PKD1L3: variants seen among roughly 807,000 people sequenced by gnomAD.
PKD1L3 encodes polycystin 1 like 3, transient receptor potential channel interacting, also known as polycystin-1-like protein 3.
Under a neutral mutation model 184.1 loss-of-function variants are expected in PKD1L3, and 239 were observed. That is an observed-to-expected ratio of 1.30 (90% CI 1.17 to 1.45). The LOEUF is 1.45. Ranked by LOEUF, PKD1L3 falls within the 40% of genes most tolerant of loss-of-function variation. PKD1L3 has a pLI of 0.00. For synonymous variants in PKD1L3, 996 were observed against 778.8 expected (o/e 1.28, Z -4.64); for missense variants, 2,660 against 2,067.2 (o/e 1.29, Z -5.56).
intron 25 of PKD1L3, 91 bp from the exon 26 acceptor site, chr16:71,935,609 T>A: frequency 8.1e-7 from 1 of 1,237,690 alleles, no homozygotes; most frequent in Non-Finnish European, 1.1e-6. Context: ...CTGATGTCTG[T>A]GGGCAAAGCA....
chr16:71,939,532 C>T (rs1212547940), intron 24 of PKD1L3, among the ~76,000 whole-genome samples: 1 of 152,220 alleles, frequency 6.6e-6, no homozygotes, highest in Non-Finnish European at 1.5e-5. Flanking sequence ...TCTATTTCAC[C>T]TAGCTAGCTC....
Position 71,930,162 on chromosome 16 carries a change from G to A in PKD1L3, c.4948C>T (p.Leu1650=). 3 of 1,549,328 alleles carry A rather than the reference G, an allele frequency of 1.9e-6. No individual in the cohort carries two copies. Among genetic ancestry groups the A allele is most frequent in the East Asian group, 2.4e-5 (1 of 40,908 alleles). ...CTGGTGAGGATCAGAAAGGTGCCCA[G>A]GACTGGGTCTAAAGCGAAAACCTGG... is the stretch of plus-strand genomic sequence containing the variant. The part of the protein sequence containing the change: ...QEEVFALDPV[L]GTFLILTSVI... The change falls in exon 29 of 30, where the codon CTG becomes TTG. Residue 1650 remains leucine (L), a synonymous_variant. Coordinates refer to ENST00000620267, the MANE Select transcript of PKD1L3 (RefSeq NM_181536.2).
At chr16:71,973,205 T>G (rs1201704124) in intron 12 of PKD1L3, 119 bp downstream of exon 12, 1 of 1,242,886 alleles carries the variant, frequency 8.0e-7, no homozygotes, top group African/African-American at 1.5e-5. Context: ...CCAGGCAGAG[T>G]TATTTCAAAC....
At chr16:71,944,700 T>TC (rs2038495011) in intron 22 of PKD1L3, among the ~76,000 whole-genome samples, 1 of 68,764 alleles carries the variant, frequency 1.5e-5, no homozygotes, top group Non-Finnish European at 3.2e-5. Flanking sequence ...ATCTGTTTTT[T>TC]GTTTGTTTTT....
intron 11 of PKD1L3, among the ~76,000 whole-genome samples, chr16:71,975,404 C>G (rs1354181904): frequency 6.6e-6 from 1 of 152,020 alleles, no homozygotes; most frequent in Non-Finnish European, 1.5e-5. Context: ...CTTAACTTTT[C>G]TAAACTACAA....
At chr16:71,970,206 T>C (rs2039660170) in intron 12 of PKD1L3, 101 bp from the exon 13 acceptor site, 6 of 922,234 alleles carry the variant, frequency 6.5e-6, no homozygotes, top group Non-Finnish European at 9.8e-6. Context: ...AAGAGGTATC[T>C]GGTTCTCTCA....
At chr16:71,956,731 G>A (rs1017189703) in intron 16 of PKD1L3, among the ~76,000 whole-genome samples, 1 of 152,196 alleles carries the variant, frequency 6.6e-6, no homozygotes, top group African/African-American at 2.4e-5. Flanking sequence ...AAAAAGCTCT[G>A]GAGCTCTGTT....
chr16:71,991,294 G>T, intron 3 of PKD1L3: 2 of 229,212 alleles, frequency 8.7e-6, no homozygotes, highest in African/African-American at 2.3e-5. Context: ...TGAAAGTCTT[G>T]TGAGAAGACA....
chr16:71,998,804 T>C (rs1056375577), intron 1 of PKD1L3, among the ~76,000 whole-genome samples: 7 of 152,128 alleles, frequency 4.6e-5, no homozygotes, highest in African/African-American at 1.7e-4. Flanking sequence ...TGACTTCCAA[T>C]AGATAAAAAT....
intron 11 of PKD1L3, among the ~76,000 whole-genome samples, chr16:71,973,761 G>A (rs1597346589): frequency 6.6e-6 from 1 of 152,078 alleles, no homozygotes; most frequent in African/African-American, 2.4e-5. Context: ...CAGCACTTTG[G>A]GAAGCTGATG....
At chr16:71,985,266 G>A (rs1689912325) in intron 5 of PKD1L3, among the ~76,000 whole-genome samples, 1 of 151,968 alleles carries the variant, frequency 6.6e-6, no homozygotes, top group African/African-American at 2.4e-5. Context: ...ATAGAACACT[G>A]AATTTCCATT....
rs532630088 is a variant in PKD1L3 at position 71,945,101 on chromosome 16, G to A, written c.3719-931C>T. 1.6e-3 allele frequency among the ~76,000 whole-genome samples: 236 copies of A among 150,576 alleles called. 2 individuals are homozygous for A. The highest frequency in any genetic ancestry group is 7.1e-3 in the South Asian group (34 of 4,770). ...TTAAAGTTTTTAAATGCTCATTCCT[G>A]ATTCCTGTACTTAGACTAGAAACAA... On this transcript the variant is annotated intron_variant, in intron 22 of 29. Coordinates refer to ENST00000620267, the MANE Select transcript of PKD1L3 (RefSeq NM_181536.2).
chr16:71,986,130 T>C (rs2040352063), intron 5 of PKD1L3, 91 bp downstream of exon 5: 1 of 1,455,500 alleles, frequency 6.9e-7, no homozygotes, highest in South Asian at 1.4e-5. Flanking sequence ...TCAGGCATTC[T>C]TAGGTGTAGT....
At chr16:71,966,000 CA>C (rs2039489257) in intron 15 of PKD1L3, among the ~76,000 whole-genome samples, 1 of 151,886 alleles carries the variant, frequency 6.6e-6, no homozygotes, top group South Asian at 2.1e-4. Flanking sequence ...GGATGGTTTA[CA>C]AGCTGATTTG....
chr16:71,960,286 A>G (rs2039226605), intron 16 of PKD1L3, among the ~76,000 whole-genome samples: 1 of 152,192 alleles, frequency 6.6e-6, no homozygotes, highest in Non-Finnish European at 1.5e-5. Flanking sequence ...ATTAAGTCCA[A>G]ATGGATTGGT....
intron 24 of PKD1L3, among the ~76,000 whole-genome samples, chr16:71,937,721 A>G (rs1442459587): frequency 6.6e-6 from 1 of 152,218 alleles, no homozygotes; most frequent in Non-Finnish European, 1.5e-5. Flanking sequence ...TATCCATGTC[A>G]GAGTGGCTGC....
intron 23 of PKD1L3, 117 bp downstream of exon 23, chr16:71,943,913 G>A: frequency 4.9e-6 from 6 of 1,225,092 alleles, no homozygotes; most frequent in Non-Finnish European, 6.7e-6. Flanking sequence ...CTCACAGGGT[G>A]AAGATTTTAA....
chr16:71,977,520 A>T, intron 10 of PKD1L3, 53 bp from the exon 11 acceptor site: 3 of 1,313,570 alleles, frequency 2.3e-6, no homozygotes, highest in Non-Finnish European at 2.1e-6. Flanking sequence ...GATGTCTTTC[A>T]AAATCCTTTA....
intron 19 of PKD1L3, 90 bp from the exon 20 acceptor site, chr16:71,950,400 T>G (rs2038785311): frequency 2.5e-6 from 3 of 1,177,644 alleles, no homozygotes; most frequent in Non-Finnish European, 3.5e-6. Context: ...TGATGGATGA[T>G]GAGGCTATAT....
Sources: gnomAD v4.1 joint callset for allele counts (sites outside exome capture counted in the v4.1 genomes callset) on GRCh38, gnomAD v4.1.1 for gene constraint, MANE v1.5 for transcripts, NCBI Gene and HGNC (gene_info 2026-07-23, HGNC 2026-07-21) for gene names.